The following KCNIP4 variants were observed in gnomAD, a reference collection of about 807,000 sequenced individuals.
KCNIP4 encodes the protein potassium voltage-gated channel interacting protein 4.
Under a neutral mutation model 34.0 loss-of-function variants are expected in KCNIP4, and 12 were observed. The observed-to-expected ratio is 0.35, with a 90% CI of 0.23 to 0.57. The LOEUF is 0.57. KCNIP4 is among the 20% of genes least tolerant of loss of function. The pLI is 0.83. For synonymous variants in KCNIP4, 124 were observed against 102.2 expected (o/e 1.21, Z -1.29); for missense variants, 238 against 311.7 (o/e 0.76, Z 1.78).
At chr4:20,789,829 T>C (rs1471181834) in intron 3 of KCNIP4, among the ~76,000 whole-genome samples, 1 of 151,668 alleles carries the variant, frequency 6.6e-6, no homozygotes, top group African/African-American at 2.4e-5. Context: ...CTGTAAATCA[T>C]GAGCTGAATC....
chr4:21,104,492 T>G (rs1477743992), intron 1 of KCNIP4, among the ~76,000 whole-genome samples: 2 of 152,184 alleles, frequency 1.3e-5, no homozygotes, highest in African/African-American at 4.8e-5. Flanking sequence ...TTCTGGATAT[T>G]AGCCCTTTGT....
intron 1 of KCNIP4, among the ~76,000 whole-genome samples, chr4:21,778,230 T>C (rs1319747863): frequency 1.7e-5 from 1 of 58,798 alleles, no homozygotes; most frequent in Non-Finnish European, 3.5e-5. Flanking sequence ...TTTCCTTTTT[T>C]TTTTTCTTTT....
chr4:21,076,709 A>G (rs1745518224), intron 1 of KCNIP4, among the ~76,000 whole-genome samples: 1 of 152,154 alleles, frequency 6.6e-6, no homozygotes, highest in Non-Finnish European at 1.5e-5. Context: ...AGCTATGAGA[A>G]ATGTCGTTGA....
chr4:21,133,718 T>A (rs11945930), intron 1 of KCNIP4, among the ~76,000 whole-genome samples: 35,528 of 152,122 alleles, frequency 0.23, 4,952 homozygotes, highest in African/African-American at 0.39. Flanking sequence ...TTTCTTCTGA[T>A]TCTGCCATAA....
At chr4:21,193,805 T>C (rs1365128196) in intron 1 of KCNIP4, among the ~76,000 whole-genome samples, 1 of 152,036 alleles carries the variant, frequency 6.6e-6, no homozygotes, top group Non-Finnish European at 1.5e-5. Flanking sequence ...TCTCCTGACC[T>C]CGTGATCCAC....
chr4:20,971,625 T>G (rs1466616491), intron 1 of KCNIP4, among the ~76,000 whole-genome samples: 1 of 152,244 alleles, frequency 6.6e-6, no homozygotes, highest in Admixed American at 6.5e-5. Flanking sequence ...TCATGTTTCT[T>G]CAGCAATCTT....
intron 1 of KCNIP4, among the ~76,000 whole-genome samples, chr4:21,812,095 T>C (rs1319772526): frequency 1.3e-5 from 2 of 152,238 alleles, no homozygotes; most frequent in Non-Finnish European, 2.9e-5. Context: ...AACAAATTGG[T>C]ATATTCACAA....
Position 20,731,844 on chromosome 4 carries a change from G to T in KCNIP4, c.705+162C>A, listed in dbSNP as rs933323682. Reference sequence around the variant, plus strand: ...ACTCTAAATGTTGATTATGTAATTGGTGCTTGTTTTCAGAGTGGTAGGCTT... The same window carrying T: ...ACTCTAAATGTTGATTATGTAATTGTTGCTTGTTTTCAGAGTGGTAGGCTT... On this transcript the variant is annotated intron_variant, in intron 8 of 8. Coordinates refer to ENST00000382152, the MANE Select transcript of KCNIP4 (RefSeq NM_025221.6). 3 of 985,258 alleles carry T rather than the reference G, an allele frequency of 3.0e-6. No individual in the cohort carries two copies. The African/African-American group carries it at 5.2e-5, about 17-fold the overall frequency. The allele number at this position is 985,258 out of a possible 1,614,324, so 61.0% of individuals were successfully genotyped here.
intron 1 of KCNIP4, among the ~76,000 whole-genome samples, chr4:20,973,558 A>G (rs1735184045): frequency 6.6e-6 from 1 of 152,122 alleles, no homozygotes; most frequent in Non-Finnish European, 1.5e-5. Flanking sequence ...TTTGAGAACT[A>G]TTTCTTTGTG....
intron 1 of KCNIP4, among the ~76,000 whole-genome samples, chr4:21,581,854 C>T (rs73252267): frequency 0.065 from 9,880 of 151,900 alleles, 472 homozygotes; most frequent in African/African-American, 0.13. Context: ...CCCCTATTTA[C>T]ACAGAATGTT....
At chr4:21,280,782 GTA>G (rs1205233606) in intron 1 of KCNIP4, among the ~76,000 whole-genome samples, 2 of 152,136 alleles carry the variant, frequency 1.3e-5, no homozygotes, top group African/African-American at 4.8e-5. Context: ...CTATTCTATG[GTA>G]TCACTACATG....
At chr4:21,170,277 G>A (rs1033889755) in intron 1 of KCNIP4, among the ~76,000 whole-genome samples, 3 of 152,110 alleles carry the variant, frequency 2.0e-5, no homozygotes, top group African/African-American at 7.2e-5. Context: ...AGGATAAAGG[G>A]AAGTATTTTT....
rs1448316774 is a variant in KCNIP4, at chr4:21,238,307, T to C, written c.62-355598A>G. Among the ~76,000 whole-genome samples, 3 of 152,276 alleles carry C rather than the reference T, an allele frequency of 2.0e-5. No homozygotes were observed. In the East Asian group the frequency reaches 5.8e-4, roughly 29 times the overall value. The stretch of plus-strand genomic sequence containing the variant: ...GGGCAAAAACTGGAAGCATTCCCTT[T>C]GAAAACTGGCACAAGACAGGGATGC... On this transcript the variant is annotated intron_variant, in intron 1 of 8. Coordinates refer to ENST00000382152, the MANE Select transcript of KCNIP4 (RefSeq NM_025221.6).
intron 1 of KCNIP4, among the ~76,000 whole-genome samples, chr4:21,137,095 C>G (rs966071236): frequency 2.0e-5 from 3 of 146,976 alleles, no homozygotes; most frequent in Non-Finnish European, 4.5e-5. Context: ...GTCGTCTTGG[C>G]AAAATATTTG....
At chr4:21,374,036 A>G (rs1000232202) in intron 1 of KCNIP4, among the ~76,000 whole-genome samples, 6 of 147,502 alleles carry the variant, frequency 4.1e-5, no homozygotes, top group Non-Finnish European at 7.4e-5. Context: ...TAGAAGCAAC[A>G]TTAGCACTAT....
chr4:20,806,051 T>C (rs13101953), intron 3 of KCNIP4, among the ~76,000 whole-genome samples: 68,345 of 151,876 alleles, frequency 0.45, 15,911 homozygotes, highest in East Asian at 0.7. Flanking sequence ...ATAATAATTC[T>C]GTTCCATTAT....
intron 1 of KCNIP4, among the ~76,000 whole-genome samples, chr4:21,113,306 G>A (rs529593463): frequency 1.3e-5 from 2 of 152,156 alleles, no homozygotes; most frequent in Non-Finnish European, 2.9e-5. Context: ...CTGTAATTCA[G>A]CTGAGGCAAA....
intron 1 of KCNIP4, among the ~76,000 whole-genome samples, chr4:21,063,310 A>C (rs1006586607): frequency 6.6e-6 from 1 of 152,180 alleles, no homozygotes; most frequent in African/African-American, 2.4e-5. Context: ...TACACCATCT[A>C]TTCTACACTA....
At chr4:21,471,538 T>C (rs1294696691) in intron 1 of KCNIP4, among the ~76,000 whole-genome samples, 1 of 152,240 alleles carries the variant, frequency 6.6e-6, no homozygotes, top group Non-Finnish European at 1.5e-5. Flanking sequence ...TGGAGCTAAA[T>C]GAGTTTCCTG....
Sources: allele counts gnomAD v4.1 joint callset (sites outside exome capture counted in the v4.1 genomes callset), GRCh38; gene constraint gnomAD v4.1.1; transcripts MANE v1.5; gene names NCBI Gene and HGNC (gene_info 2026-07-23, HGNC 2026-07-21).